The following BANK1 variants were observed in gnomAD, a reference collection of about 807,000 sequenced individuals.
BANK1 encodes B-cell scaffold protein with ankyrin repeats.
A neutral mutation model predicts 94.5 loss-of-function variants in BANK1; 95 were observed. The observed-to-expected ratio is 1.00, with a 90% CI of 0.85 to 1.19. BANK1 has a LOEUF of 1.19. BANK1 is among the 50% of genes most tolerant of loss of function. The pLI is 0.00. For missense variants in BANK1, 987 were observed against 932.2 expected, an observed-to-expected ratio of 1.06 and a Z score of -0.77; for synonymous variants, 334 against 308.4, an observed-to-expected ratio of 1.08 and a Z score of -0.87.
chr4:101,870,023 T>C (rs1167893736), intron 4 of BANK1, among the ~76,000 whole-genome samples: 1 of 151,992 alleles, frequency 6.6e-6, no homozygotes, highest in Non-Finnish European at 1.5e-5. Context: ...CCAGGATTTT[T>C]CATTGCAGTC....
intron 2 of BANK1, among the ~76,000 whole-genome samples, chr4:101,847,037 G>A (rs180685726): frequency 9.7e-4 from 148 of 152,036 alleles, no homozygotes; most frequent in African/African-American, 3.3e-3. Flanking sequence ...CTCATATATC[G>A]TTTGCCTCCC....
At chr4:101,934,771 T>A (rs2148906957) in intron 7 of BANK1, among the ~76,000 whole-genome samples, 1 of 151,666 alleles carries the variant, frequency 6.6e-6, no homozygotes, top group African/African-American at 2.4e-5. Flanking sequence ...ATGACTGCGC[T>A]GATATTCTAA....
At chr4:101,888,810 A>G (rs1020295738) in intron 5 of BANK1, among the ~76,000 whole-genome samples, 6 of 152,338 alleles carry the variant, frequency 3.9e-5, no homozygotes, top group Admixed American at 6.5e-5. Context: ...CGTTCATTGC[A>G]TGCTTATTCC....
intron 7 of BANK1, among the ~76,000 whole-genome samples, chr4:102,000,877 T>C (rs1397812233): frequency 2.6e-5 from 4 of 152,230 alleles, no homozygotes. Flanking sequence ...CATCCCCTGA[T>C]GGTGTTGCTT....
intron 7 of BANK1, among the ~76,000 whole-genome samples, chr4:101,967,884 A>G (rs1432469460): frequency 6.6e-6 from 1 of 152,124 alleles, no homozygotes; most frequent in Non-Finnish European, 1.5e-5. Context: ...GACTCAGAAT[A>G]AGATTCAACA....
chr4:102,034,390 C>T (rs1383039305), intron 10 of BANK1, among the ~76,000 whole-genome samples: 1 of 152,182 alleles, frequency 6.6e-6, no homozygotes, highest in Non-Finnish European at 1.5e-5. Flanking sequence ...GACTGAATTT[C>T]CTCACTGTAA....
intron 7 of BANK1, among the ~76,000 whole-genome samples, chr4:101,959,462 T>A (rs1312650377): frequency 6.6e-6 from 1 of 152,150 alleles, no homozygotes; most frequent in African/African-American, 2.4e-5. Context: ...TCTGAGGTTC[T>A]GATGTATACA....
At chr4:101,972,280 T>A (rs1381011161) in intron 7 of BANK1, 1 of 152,084 alleles carries the variant, frequency 6.6e-6, no homozygotes, top group Non-Finnish European at 1.5e-5. Context: ...GATAGTTCAT[T>A]GAATAAACGT....
intron 2 of BANK1, among the ~76,000 whole-genome samples, chr4:101,847,636 T>G (rs1727299498): frequency 6.6e-6 from 1 of 152,068 alleles, no homozygotes; most frequent in South Asian, 2.1e-4. Context: ...GGTTTTCCAC[T>G]CCTGAGTTAC....
At chr4:102,010,454 G>A (rs1289063124) in intron 7 of BANK1, among the ~76,000 whole-genome samples, 6 of 146,898 alleles carry the variant, frequency 4.1e-5, no homozygotes, top group African/African-American at 7.6e-5. Flanking sequence ...GTGCAATGGC[G>A]CCATCTGGGC....
At chr4:101,995,494 A>G (rs541047499) in intron 7 of BANK1, among the ~76,000 whole-genome samples, 170 of 151,402 alleles carry the variant, frequency 1.1e-3, no homozygotes, top group Middle Eastern at 3.5e-3. Context: ...TGGTATTTCC[A>G]GTTCTAGATC....
intron 1 of BANK1, among the ~76,000 whole-genome samples, chr4:101,828,599 T>C (rs1726471894): frequency 6.6e-6 from 1 of 152,028 alleles, no homozygotes; most frequent in Admixed American, 6.6e-5. Flanking sequence ...TTTCACTCAA[T>C]ATTATGTCTT....
At chr4:101,976,334 T>C (rs1725126853) in intron 7 of BANK1, among the ~76,000 whole-genome samples, 1 of 152,148 alleles carries the variant, frequency 6.6e-6, no homozygotes, top group Non-Finnish European at 1.5e-5. Context: ...TCTGAGACTT[T>C]CCTGTGAAGT....
rs902102394 is a variant in BANK1, at chr4:101,790,839, G to T, written c.-42G>T. ...GGCCGGGAGAGTCCAGGTAGCGCTC[G>T]GCGGGCAGCAGTGCGCAGGCCCCTC... is the stretch of plus-strand genomic sequence containing the variant. On this transcript the variant is annotated 5_prime_UTR_variant, in exon 1 of 17. Coordinates refer to ENST00000322953, the MANE Select transcript of BANK1 (RefSeq NM_017935.5). 2.6e-6 allele frequency: 4 copies of T among 1,530,568 alleles called. No individual in the cohort carries two copies. The African/African-American group carries it at 5.5e-5, about 21-fold the overall frequency. The allele number at this position is 1,530,568 out of a possible 1,614,324, so 94.8% of individuals were successfully genotyped here.
intron 7 of BANK1, among the ~76,000 whole-genome samples, chr4:101,963,745 A>T (rs1365190843): frequency 2.0e-5 from 3 of 152,070 alleles, no homozygotes; most frequent in Non-Finnish European, 4.4e-5. Flanking sequence ...AAAGAAACAC[A>T]TCTTCAGCCA....
At chr4:102,046,404 T>C (rs1727879908) in intron 11 of BANK1, among the ~76,000 whole-genome samples, 1 of 152,146 alleles carries the variant, frequency 6.6e-6, no homozygotes, top group Non-Finnish European at 1.5e-5. Flanking sequence ...GAAATAACCT[T>C]ATCAGAATGT....
chr4:101,882,716 A>G (rs891704229), intron 5 of BANK1, among the ~76,000 whole-genome samples: 1 of 152,222 alleles, frequency 6.6e-6, no homozygotes. Flanking sequence ...ATGCTAGAAT[A>G]TATTATCACC....
chr4:101,860,685 C>A (rs1319348821), intron 3 of BANK1, among the ~76,000 whole-genome samples: 1 of 152,158 alleles, frequency 6.6e-6, no homozygotes, highest in Non-Finnish European at 1.5e-5. Flanking sequence ...CCTGCCTCGG[C>A]CGCCCAAAGT....
chr4:101,792,519 A>G (rs151241196), intron 1 of BANK1, among the ~76,000 whole-genome samples: 1 of 149,802 alleles, frequency 6.7e-6, no homozygotes, highest in Non-Finnish European at 1.5e-5. Context: ...AACTATCTTA[A>G]TATGGCACAT....
Sources: allele counts gnomAD v4.1 joint callset (sites outside exome capture counted in the v4.1 genomes callset), GRCh38; gene constraint gnomAD v4.1.1; transcripts MANE v1.5; gene names NCBI Gene and HGNC (gene_info 2026-07-23, HGNC 2026-07-21).